Variants in GRIP1 observed in about 807,000 individuals in gnomAD.
The protein encoded by GRIP1 is glutamate receptor interacting protein 1, also known as glutamate receptor-interacting protein 1.
A neutral mutation model predicts 129.9 loss-of-function variants in GRIP1; 45 were observed. The ratio of observed to expected loss-of-function variants is 0.35; its 90% CI spans 0.27 to 0.44. The LOEUF is 0.44. Ranked by LOEUF, GRIP1 falls within the 20% of genes least tolerant of loss-of-function variation. The pLI is 1.00. For missense variants in GRIP1, 1,196 were observed against 1,396.8 expected, an observed-to-expected ratio of 0.86 and a Z score of 2.29; for synonymous variants, 530 against 520.8, an observed-to-expected ratio of 1.02 and a Z score of -0.24.
intron 1 of GRIP1, among the ~76,000 whole-genome samples, chr12:67,066,879 A>AATATACATATAT (rs1555170027): frequency 3.6e-4 from 16 of 43,968 alleles, no homozygotes; most frequent in Admixed American, 1.0e-3. Context: ...GCTCAGTTTA[A>AATATACATATAT]ATATATATTT....
chr12:66,584,772 C>T (rs568367514), intron 2 of GRIP1, among the ~76,000 whole-genome samples: 2 of 152,126 alleles, frequency 1.3e-5, no homozygotes, highest in Admixed American at 6.5e-5. Flanking sequence ...CAGGGTAATA[C>T]TCTGACAGTG....
chr12:66,761,912 G>A lies in GRIP1; in HGVS notation c.-420+42141C>T, dbSNP rs117075682. Among the ~76,000 whole-genome samples the A allele has an allele frequency of 9.3e-3, 1,416 of 152,252 alleles. 15 individuals carry two copies. The highest frequency in any genetic ancestry group is 0.016 in the Non-Finnish European group (1,078 of 68,020). On this transcript the variant is annotated intron_variant, in intron 1 of 4. Transcript: ENST00000538373. Reference sequence around the variant, plus strand: ...TCTGTAGCCATGTGGCCTGGGGTGAGTCCTGGCTCTACCCCATACCAGCTC... The same window carrying A: ...TCTGTAGCCATGTGGCCTGGGGTGAATCCTGGCTCTACCCCATACCAGCTC...
At chr12:66,793,148 C>T (rs889021921) in intron 1 of GRIP1, among the ~76,000 whole-genome samples, 1 of 152,162 alleles carries the variant, frequency 6.6e-6, no homozygotes, top group Non-Finnish European at 1.5e-5. Flanking sequence ...TTTATACCCA[C>T]ATTCACATTT....
exon 1 of GRIP1, chr12:67,069,080 T>C: frequency 1.0e-6 from 1 of 982,266 alleles, no homozygotes; most frequent in Non-Finnish European, 1.2e-6. Flanking sequence ...TGCAAGCAGA[T>C]AGGGATATTC....
intron 19 of GRIP1, among the ~76,000 whole-genome samples, chr12:66,382,287 G>A (rs2056146404): frequency 6.6e-6 from 1 of 152,124 alleles, no homozygotes; most frequent in African/African-American, 2.4e-5. Context: ...CTACTTGAGA[G>A]GCTAAGAGGA....
In GRIP1 at chr12:66,493,023, A is replaced by AAACAAACAAAC. The variant is rs536920323; in HGVS notation, c.724+22595_724+22596insGTTTGTTTGTT. On this transcript the variant is annotated intron_variant, in intron 7 of 24. Coordinates refer to ENST00000359742, the MANE Select transcript of GRIP1 (RefSeq NM_001366722.1). ...TCTGTCTCAAAACAAACAAACAAACAAAAAATTAGGTGGGCTAGAATGGTG... is the reference window on the plus strand; with the variant it reads ...TCTGTCTCAAAACAAACAAACAAACAAACAAACAAACAAAAATTAGGTGGGCTAGAATGGTG... Among the ~76,000 whole-genome samples the AAACAAACAAAC allele has an allele frequency of 3.8e-3, 584 of 152,122 alleles. 4 individuals are homozygous for AAACAAACAAAC. The highest frequency in any genetic ancestry group is 0.013 in the African/African-American group (556 of 41,486).
intron 1 of GRIP1, among the ~76,000 whole-genome samples, chr12:66,739,892 A>C (rs1322034213): frequency 6.6e-6 from 1 of 152,196 alleles, no homozygotes; most frequent in Middle Eastern, 3.2e-3. Context: ...GTTGAGGCTC[A>C]GTCCTCAATA....
intron 2 of GRIP1, among the ~76,000 whole-genome samples, chr12:66,554,610 C>A (rs1317615379): frequency 6.6e-6 from 1 of 152,112 alleles, no homozygotes; most frequent in Non-Finnish European, 1.5e-5. Context: ...CATTCCAGGC[C>A]TTGGCTCATG....
At position 66,456,200 on chromosome 12, in the gene GRIP1, A is replaced by G; in HGVS notation, c.1185T>C (p.Pro395=). The part of the protein sequence containing the change: ...VPALTFPKAP[P]PNSPPALVSS... ...ATGGAACATTACGAGGGCTGTTTGG[A>G]GGAGGTGCTTTCGGGAATGTCAGGG... The change falls in exon 10 of 25, where the codon CCT becomes CCC. Residue 395 remains proline, a synonymous_variant. Transcript: ENST00000359742. 7.8e-7 allele frequency: 1 copy of G among 1,289,236 alleles called. No homozygotes were observed. 79.9% of individuals were successfully genotyped at this position (1,289,236 alleles called of 1,614,324 possible).
chr12:66,807,962 C>CAT (rs879322287), upstream of GRIP1, among the ~76,000 whole-genome samples: 89,169 of 150,668 alleles, frequency 0.59, 26,398 homozygotes, highest in East Asian at 0.64. Context: ...AACCTAAAGC[C>CAT]CTTTGTCAAT....
At chr12:67,023,477 CTTTGA>C (rs1052554523) in intron 1 of GRIP1, among the ~76,000 whole-genome samples, 15 of 151,994 alleles carry the variant, frequency 9.9e-5, no homozygotes, top group African/African-American at 3.4e-4. Flanking sequence ...CATTCTGTTC[CTTTGA>C]TTTATTTGTC....
intron 1 of GRIP1, among the ~76,000 whole-genome samples, chr12:66,900,381 A>G (rs1200153674): frequency 6.6e-6 from 1 of 152,142 alleles, no homozygotes; most frequent in African/African-American, 2.4e-5. Context: ...CTATGTTAGG[A>G]CAGAGGGCAA....
At chr12:66,350,831 T>G (rs1249269190) in intron 24 of GRIP1, among the ~76,000 whole-genome samples, 1 of 152,226 alleles carries the variant, frequency 6.6e-6, no homozygotes, top group East Asian at 1.9e-4. Context: ...AATATTGTAT[T>G]GCCTTTCTAT....
intron 1 of GRIP1, among the ~76,000 whole-genome samples, chr12:66,598,407 T>C (rs1459861076): frequency 6.6e-6 from 1 of 152,232 alleles, no homozygotes; most frequent in Admixed American, 6.5e-5. Context: ...AAAGATAAAC[T>C]ACCAACTTTC....
intron 1 of GRIP1, among the ~76,000 whole-genome samples, chr12:66,757,263 C>T (rs1006132765): frequency 3.3e-5 from 5 of 152,090 alleles, no homozygotes; most frequent in Non-Finnish European, 7.4e-5. Context: ...CTCCCAGCCT[C>T]TGGTAACCAC....
intron 1 of GRIP1, among the ~76,000 whole-genome samples, chr12:66,909,152 G>T (rs1248048456): frequency 6.6e-6 from 1 of 151,726 alleles, no homozygotes; most frequent in Non-Finnish European, 1.5e-5. Flanking sequence ...CTCTATCCTT[G>T]TTATCATTCA....
At chr12:67,004,572 G>A (rs2135695785) in intron 1 of GRIP1, among the ~76,000 whole-genome samples, 1 of 152,178 alleles carries the variant, frequency 6.6e-6, no homozygotes, top group African/African-American at 2.4e-5. Flanking sequence ...GAAAGGAGGA[G>A]AGTATAGAAA....
chr12:66,467,911 A>G (rs1405858738), intron 7 of GRIP1, among the ~76,000 whole-genome samples: 1 of 152,164 alleles, frequency 6.6e-6, no homozygotes, highest in Non-Finnish European at 1.5e-5. Context: ...GTTTTTCCTC[A>G]TGGTTTTGTC....
chr12:67,008,304 G>A (rs971470907), intron 1 of GRIP1, among the ~76,000 whole-genome samples: 2 of 152,092 alleles, frequency 1.3e-5, no homozygotes, highest in Admixed American at 1.3e-4. Context: ...AGAAATAGCT[G>A]ATTCTTTGGG....
Sources: gnomAD v4.1 joint callset for allele counts (sites outside exome capture counted in the v4.1 genomes callset) on GRCh38, gnomAD v4.1.1 for gene constraint, MANE v1.5 for transcripts, NCBI Gene and HGNC (gene_info 2026-07-23, HGNC 2026-07-21) for gene names.